Variants in CEP162 observed in about 807,000 individuals in gnomAD.
The protein encoded by CEP162 is centrosomal protein of 162 kDa.
Under a neutral mutation model 169.2 loss-of-function variants are expected in CEP162, and 141 were observed. The ratio of observed to expected loss-of-function variants is 0.83; its 90% confidence interval spans 0.73 to 0.96. The LOEUF (loss-of-function observed/expected upper bound fraction) is 0.96. Ranked by LOEUF, CEP162 falls within the 40% of genes least tolerant of loss-of-function variation. CEP162 has a pLI of 0.00. For synonymous variants in CEP162, 540 were observed against 526.4 expected, an observed-to-expected ratio of 1.03 and a Z score of -0.35; for missense variants, 1,600 against 1,587.2, an observed-to-expected ratio of 1.01 and a Z score of -0.14.
chr6:84,134,402 A>G (rs1432207680), intron 25 of CEP162, among the ~76,000 whole-genome samples: 3 of 151,542 alleles, frequency 2.0e-5, no homozygotes, highest in Non-Finnish European at 4.4e-5. Context: ...ATGAAAAAAA[A>G]CTCCTGCAGC....
intron 21 of CEP162, among the ~76,000 whole-genome samples, chr6:84,157,817 G>C (rs540261511): frequency 3.6e-4 from 55 of 152,110 alleles, no homozygotes; most frequent in Non-Finnish European, 6.8e-4. Flanking sequence ...ACATGAGTGT[G>C]TAAACTTTTT....
intron 2 of CEP162, among the ~76,000 whole-genome samples, chr6:84,224,972 T>C (rs1031907807): frequency 6.6e-6 from 1 of 152,250 alleles, no homozygotes; most frequent in African/African-American, 2.4e-5. Flanking sequence ...ATCTTGACAA[T>C]TGGTAGATGC....
chr6:84,216,636 A>G (rs2099551673), intron 3 of CEP162, among the ~76,000 whole-genome samples: 1 of 152,194 alleles, frequency 6.6e-6, no homozygotes, highest in Admixed American at 6.5e-5. Flanking sequence ...ATATTTGATG[A>G]TACTAAGAAA....
chr6:84,171,093 T>C (rs1415725112), intron 17 of CEP162, among the ~76,000 whole-genome samples: 1 of 152,148 alleles, frequency 6.6e-6, no homozygotes, highest in Non-Finnish European at 1.5e-5. Context: ...GACCACTATT[T>C]GCCCTCCCCC....
intron 25 of CEP162, among the ~76,000 whole-genome samples, chr6:84,136,597 A>C (rs1562000620): frequency 6.6e-6 from 1 of 152,038 alleles, no homozygotes; most frequent in Non-Finnish European, 1.5e-5. Context: ...CTGTTTGATT[A>C]TTTTTCTGTC....
At chr6:84,171,496 AAAT>A (rs1273205732) in intron 17 of CEP162, 107 bp downstream of exon 17, 2 of 467,114 alleles carry the variant, frequency 4.3e-6, no homozygotes, top group African/African-American at 4.1e-5. Context: ...GTACAAATAA[AAAT>A]AAAATTTTAC....
Position 84,152,541 on chromosome 6 carries a change from T to A in CEP162, c.3629+4A>T, listed in dbSNP as rs577906341. ...AAATATTTATAAATAATTTAACATT[T>A]TACCTTCTCATGGAGTTTTCAAATT... On this transcript the variant is annotated splice_donor_region_variant and intron_variant, in intron 23 of 26. Transcript: ENST00000403245. The A allele has an allele frequency of 3.7e-6, 5 of 1,358,630 alleles. No homozygotes were observed. In the East Asian group the frequency reaches 1.0e-4, roughly 28 times the overall value. The allele number at this position is 1,358,630 out of a possible 1,614,324, so 84.2% of individuals were successfully genotyped here. A position where few individuals can be genotyped will look rare whatever the true frequency, so the allele number is the denominator to read the frequency against.
chr6:84,217,246 T>C (rs981513297), intron 3 of CEP162, among the ~76,000 whole-genome samples: 5 of 152,178 alleles, frequency 3.3e-5, no homozygotes, highest in African/African-American at 4.8e-5. Flanking sequence ...AGTAAGCACA[T>C]TGCAATTAAA....
chr6:84,171,958 A>T (rs2099530307), intron 16 of CEP162, among the ~76,000 whole-genome samples: 1 of 152,222 alleles, frequency 6.6e-6, no homozygotes, highest in Admixed American at 6.5e-5. Context: ...AAATTCCCAA[A>T]GCCAAAGGGC....
chr6:84,192,614 G>A (rs2099540386), intron 11 of CEP162, among the ~76,000 whole-genome samples: 1 of 152,174 alleles, frequency 6.6e-6, no homozygotes, highest in African/African-American at 2.4e-5. Flanking sequence ...TACATCATGA[G>A]GATACAGTAT....
intron 18 of CEP162, among the ~76,000 whole-genome samples, chr6:84,167,689 G>A (rs149024243): frequency 3.4e-4 from 51 of 152,188 alleles, no homozygotes; most frequent in African/African-American, 1.2e-3. Context: ...TTTAGTTTGC[G>A]CATTGCAAGG....
intron 18 of CEP162, among the ~76,000 whole-genome samples, chr6:84,164,880 CA>C (rs1001550403): frequency 2.0e-5 from 3 of 150,690 alleles, no homozygotes; most frequent in Admixed American, 6.6e-5. Context: ...ACAAAACAAA[CA>C]AAAAAAAAGA....
At position 84,209,373 on chromosome 6, in the gene CEP162, C is replaced by CT. The variant is rs369112037; in HGVS notation, c.571+3583dup. Among the ~76,000 whole-genome samples, 281 of 143,346 alleles carry CT rather than the reference C, an allele frequency of 2.0e-3. 1 individual carries two copies. Among genetic ancestry groups the CT allele is most frequent in the East Asian group, 4.2e-3 (21 of 4,994 alleles). 94.0% of individuals were successfully genotyped at this position (143,346 alleles called of 152,430 possible). A position where few individuals can be genotyped will look rare whatever the true frequency, so the allele number is the denominator to read the frequency against. On this transcript the variant is annotated intron_variant, in intron 6 of 26. Transcript: ENST00000403245. ...ATTGCTGTTAATATTATTATAGCTACTTTTTTTTTTTTTTTCTTGAGACGG... is the reference window on the plus strand; with the variant it reads ...ATTGCTGTTAATATTATTATAGCTACTTTTTTTTTTTTTTTTCTTGAGACGG...
At chr6:84,160,724 C>A in intron 21 of CEP162, 88 bp downstream of exon 21, 1 of 769,734 alleles carries the variant, frequency 1.3e-6, no homozygotes. Flanking sequence ...AGGTCAACTC[C>A]ATCTCATGGG....
chr6:84,144,606 C>T (rs1043628365), intron 25 of CEP162, among the ~76,000 whole-genome samples: 3 of 151,990 alleles, frequency 2.0e-5, no homozygotes, highest in African/African-American at 7.3e-5. Flanking sequence ...CTTCTGATAA[C>T]TTCAAGATCA....
intron 25 of CEP162, among the ~76,000 whole-genome samples, chr6:84,136,555 A>G (rs183443166): frequency 6.6e-6 from 1 of 152,332 alleles, no homozygotes; most frequent in African/African-American, 2.4e-5. Context: ...AAGCAAAGGC[A>G]GTTAGTGGGA....
intron 2 of CEP162, among the ~76,000 whole-genome samples, chr6:84,226,007 A>G (rs992426641): frequency 1.3e-5 from 2 of 152,066 alleles, no homozygotes; most frequent in Admixed American, 6.5e-5. Context: ...GAGTGAAATC[A>G]TGAAAGGCTT....
intron 21 of CEP162, among the ~76,000 whole-genome samples, chr6:84,158,440 G>A (rs901565018): frequency 2.4e-4 from 37 of 152,158 alleles, no homozygotes; most frequent in African/African-American, 8.7e-4. Flanking sequence ...CTTTTATGAT[G>A]ATTTCATCTC....
intron 13 of CEP162, 25 bp downstream of exon 13, chr6:84,185,162 T>C (rs1443765819): frequency 3.9e-6 from 6 of 1,557,262 alleles, no homozygotes; most frequent in East Asian, 2.3e-5. Context: ...TAAAACAATA[T>C]ACTAAATAAA....
Sources: allele counts gnomAD v4.1 joint callset (sites outside exome capture counted in the v4.1 genomes callset), GRCh38; gene constraint gnomAD v4.1.1; transcripts MANE v1.5; gene names NCBI Gene and HGNC (gene_info 2026-07-23, HGNC 2026-07-21).